NMNAT1: variants seen among roughly 807,000 people sequenced by gnomAD.
NMNAT1 encodes nicotinamide nucleotide adenylyltransferase 1.
In NMNAT1, 11 loss-of-function variants were observed where a neutral mutation model predicts 16.7. That is an observed-to-expected ratio of 0.66 (90% CI 0.41 to 1.09). NMNAT1 has a LOEUF of 1.09. NMNAT1 is among the 50% of genes least tolerant of loss of function. The pLI is 0.00. For missense variants in NMNAT1, 280 were observed against 332.3 expected (o/e 0.84, Z 1.22); for synonymous variants, 110 against 119.8 (o/e 0.92, Z 0.53).
chr1:9,950,879 A>G (rs1219860705), intron 1 of NMNAT1, among the ~76,000 whole-genome samples: 2 of 152,146 alleles, frequency 1.3e-5, no homozygotes, highest in East Asian at 1.9e-4. Context: ...AGTTGAGGTC[A>G]GGAGTTCAAG....
downstream of NMNAT1, among the ~76,000 whole-genome samples, chr1:9,988,456 TTTGG>T (rs1057325549): frequency 2.6e-5 from 4 of 151,972 alleles, no homozygotes; most frequent in Admixed American, 6.6e-5. Flanking sequence ...ATCCCAGCAC[TTTGG>T]GAGGCCAAGG....
chr1:9,969,203 C>T (rs1319233920), intron 1 of NMNAT1, among the ~76,000 whole-genome samples: 1 of 152,062 alleles, frequency 6.6e-6, no homozygotes, highest in Non-Finnish European at 1.5e-5. Context: ...CCCTACCTAC[C>T]CACTCAGCCT....
At chr1:9,947,799 G>T (rs1369157078) in intron 1 of NMNAT1, among the ~76,000 whole-genome samples, 1 of 152,106 alleles carries the variant, frequency 6.6e-6, no homozygotes, top group African/African-American at 2.4e-5. Context: ...GGCCAGGTCA[G>T]CATCACCTGT....
chr1:9,980,180 C>T (rs1641909844), intron 3 of NMNAT1, among the ~76,000 whole-genome samples: 1 of 151,910 alleles, frequency 6.6e-6, no homozygotes, highest in South Asian at 2.1e-4. Flanking sequence ...GATCCACCCG[C>T]CTTGGCCTCC....
chr1:9,943,166 G>A (rs1165088131), upstream of NMNAT1: 3 of 176,078 alleles, frequency 1.7e-5, no homozygotes, highest in East Asian at 4.3e-4. Context: ...CGTAGGTCCC[G>A]CGGCGGCCGG....
chr1:9,961,979 G>A (rs1570691044), intron 1 of NMNAT1, among the ~76,000 whole-genome samples: 1 of 151,830 alleles, frequency 6.6e-6, no homozygotes, highest in Non-Finnish European at 1.5e-5. Context: ...TGTTGGTCAG[G>A]CTAGTCTCGA....
At chr1:9,975,122 G>T (rs898384471) in intron 2 of NMNAT1, among the ~76,000 whole-genome samples, 1 of 152,120 alleles carries the variant, frequency 6.6e-6, no homozygotes, top group Non-Finnish European at 1.5e-5. Context: ...AGAACTGTAC[G>T]CTTGGGTATA....
intron 1 of NMNAT1, among the ~76,000 whole-genome samples, chr1:9,965,426 CAG>C: frequency 1.3e-5 from 2 of 150,916 alleles, no homozygotes; most frequent in Middle Eastern, 6.8e-3. Context: ...TATTTTGAGA[CAG>C]AGTCTCGCTC....
chr1:9,977,766 G>C (rs1036137948), intron 3 of NMNAT1, among the ~76,000 whole-genome samples: 4 of 152,034 alleles, frequency 2.6e-5, no homozygotes, highest in Non-Finnish European at 5.9e-5. Context: ...GCTGAGGCAG[G>C]AGAATTGCCT....
At chr1:9,975,909 C>T in intron 3 of NMNAT1, 134 bp downstream of exon 3, 1 of 695,220 alleles carries the variant, frequency 1.4e-6, no homozygotes, top group South Asian at 1.8e-5. Context: ...GTAAGCCATT[C>T]CTGTGGAAGG....
intron 3 of NMNAT1, among the ~76,000 whole-genome samples, chr1:9,977,646 C>G (rs1179597820): frequency 6.6e-6 from 1 of 151,922 alleles, no homozygotes; most frequent in Non-Finnish European, 1.5e-5. Flanking sequence ...GCCGGCAGAT[C>G]ACCTGAGTCC....
At chr1:9,946,325 G>A (rs1217470376) in intron 1 of NMNAT1, among the ~76,000 whole-genome samples, 2 of 152,222 alleles carry the variant, frequency 1.3e-5, no homozygotes, top group Admixed American at 1.3e-4. Context: ...AGAAACTGGA[G>A]AAAGAGAAAT....
chr1:9,974,651 G>T (rs1435784289), intron 2 of NMNAT1, among the ~76,000 whole-genome samples: 1 of 152,022 alleles, frequency 6.6e-6, no homozygotes, highest in Admixed American at 6.6e-5. Flanking sequence ...AACTCCCAAA[G>T]TGCTGGGATT....
chr1:9,981,941 G>T (rs895889863), intron 4 of NMNAT1, among the ~76,000 whole-genome samples: 3 of 151,532 alleles, frequency 2.0e-5, no homozygotes, highest in African/African-American at 7.3e-5. Context: ...TCGGCTTACT[G>T]CAACCTCTGC....
At chr1:9,949,323 G>C (rs989138231) in intron 1 of NMNAT1, among the ~76,000 whole-genome samples, 2 of 149,046 alleles carry the variant, frequency 1.3e-5, no homozygotes, top group African/African-American at 4.9e-5. Context: ...ATTTTCTCTA[G>C]AAAACAATTA....
At chr1:9,968,875 G>C (rs1641624506) in intron 1 of NMNAT1, among the ~76,000 whole-genome samples, 2 of 150,360 alleles carry the variant, frequency 1.3e-5, no homozygotes, top group African/African-American at 4.9e-5. Context: ...GGAAGGCAGA[G>C]GTTGCAGTGA....
intron 3 of NMNAT1, among the ~76,000 whole-genome samples, chr1:9,979,337 G>A (rs770308254): frequency 1.1e-4 from 16 of 151,982 alleles, no homozygotes; most frequent in Non-Finnish European, 2.2e-4. Context: ...ATGGTGGCAC[G>A]TGCCTGTAGT....
the NMNAT1 span, among the ~76,000 whole-genome samples, chr1:9,994,777 A>G: frequency 6.6e-6 from 1 of 151,584 alleles, no homozygotes; most frequent in South Asian, 2.1e-4. Flanking sequence ...ACGCCCGGCT[A>G]ATTTTTTTGT....
intron 2 of NMNAT1, among the ~76,000 whole-genome samples, chr1:9,972,903 G>A (rs1011517861): frequency 8.5e-5 from 13 of 152,108 alleles, no homozygotes; most frequent in African/African-American, 3.1e-4. Context: ...CTAGGCTACC[G>A]TGAGCCATGA....
Sources: allele counts gnomAD v4.1 joint callset (sites outside exome capture counted in the v4.1 genomes callset), GRCh38; gene constraint gnomAD v4.1.1; transcripts MANE v1.5; gene names NCBI Gene and HGNC (gene_info 2026-07-23, HGNC 2026-07-21).